Variants in PTPN14 observed in about 807,000 individuals in gnomAD.
PTPN14 encodes tyrosine-protein phosphatase non-receptor type 14.
In PTPN14, 53 loss-of-function variants were observed where a neutral mutation model predicts 126.8. That is an observed-to-expected ratio of 0.42 (90% CI 0.34 to 0.53). PTPN14 has a LOEUF of 0.53. Among genes scored for constraint, PTPN14 ranks in the 20% least tolerant of loss-of-function variants. PTPN14 has a pLI of 0.08. For synonymous variants in PTPN14, 630 were observed against 599.3 expected (o/e 1.05, Z -0.75); for missense variants, 1,257 against 1,552.9 (o/e 0.81, Z 3.20).
Position 214,448,436 on chromosome 1 carries a change from G to A in PTPN14, c.344+3369C>T, listed in dbSNP as rs547694222. ...TTTTTGTATTTTTTTAGTAGAGATC[G>A]GGTTTCACCATGTTAGCCAGGATGG... On this transcript the variant is annotated intron_variant, in intron 3 of 18. Coordinates refer to ENST00000366956, the MANE Select transcript of PTPN14 (RefSeq NM_005401.5). Among the ~76,000 whole-genome samples the A allele has an allele frequency of 2.7e-5, 4 of 149,108 alleles. No individual in the cohort carries two copies. In the South Asian group the frequency reaches 6.4e-4, roughly 24 times the overall value.
At chr1:214,458,875 C>T (rs6661786) in intron 2 of PTPN14, among the ~76,000 whole-genome samples, 126,028 of 152,052 alleles carry the variant, frequency 0.83, 52,340 homozygotes, top group African/African-American at 0.89. Context: ...CACATCCATG[C>T]TCCACCAAAG....
chr1:214,414,637 G>C lies in PTPN14; in HGVS notation c.434C>G (p.Ala145Gly), dbSNP rs2102584780. ...TCATAACTATGTCTTACCTTGCACA[G>C]CTAGGCCGGCTAGCCGAATCACCTG... ...LDQVIRLAGL[A>G]VQADFGDYNQ... The change falls in exon 4 of 19, where the codon GCT (alanine) becomes GGT (glycine). Residue 145 changes from alanine (A) to glycine (G), a missense_variant. Physicochemically the swap from Ala to Gly is moderately conservative, Grantham distance 60 (BLOSUM62 0). Around this residue, in one of 3 missense-constraint regions of PTPN14, gnomAD observed 1,021 missense variants for 1,183.3 expected, o/e 0.86. Coordinates refer to ENST00000366956, the MANE Select transcript of PTPN14 (RefSeq NM_005401.5). The C allele has an allele frequency of 6.2e-7, 1 of 1,613,496 alleles. No homozygotes were observed. The highest frequency in any genetic ancestry group is 2.2e-5 in the East Asian group (1 of 44,882).
intron 1 of PTPN14, among the ~76,000 whole-genome samples, chr1:214,543,470 A>G (rs1018063537): frequency 4.6e-5 from 7 of 152,192 alleles, no homozygotes; most frequent in African/African-American, 1.7e-4. Context: ...ATACATACTG[A>G]TATCTGTTTA....
chr1:214,468,821 T>C (rs1158809062), intron 1 of PTPN14, among the ~76,000 whole-genome samples: 1 of 152,200 alleles, frequency 6.6e-6, no homozygotes, highest in Non-Finnish European at 1.5e-5. Context: ...GCTGCCTCTT[T>C]CTATGGACTT....
chr1:214,401,221 G>A (rs1048307140), intron 7 of PTPN14, among the ~76,000 whole-genome samples: 2 of 152,134 alleles, frequency 1.3e-5, no homozygotes, highest in African/African-American at 4.8e-5. Context: ...AACCCACAGG[G>A]GAGGGCCCTA....
intron 2 of PTPN14, among the ~76,000 whole-genome samples, chr1:214,463,031 T>G (rs1660546019): frequency 1.3e-5 from 2 of 152,142 alleles, no homozygotes; most frequent in Admixed American, 1.3e-4. Context: ...AAAGACTCAG[T>G]AACTTTTCCA....
intron 11 of PTPN14, among the ~76,000 whole-genome samples, chr1:214,390,096 T>C (rs771852287): frequency 2.6e-5 from 4 of 152,202 alleles, no homozygotes; most frequent in Non-Finnish European, 4.4e-5. Context: ...GTGTATACAC[T>C]GAATATGAAG....
In PTPN14 at chr1:214,394,927, T is replaced by C. The variant is rs202003994; in HGVS notation, c.818A>G (p.Asn273Ser). The change falls in exon 9 of 19, where the codon AAC becomes AGC. Residue 273 changes from asparagine to serine, a missense_variant. Physicochemically the swap from Asn to Ser is conservative, Grantham distance 46. Around this residue, in one of 3 missense-constraint regions of PTPN14, gnomAD observed 1,021 missense variants for 1,183.3 expected, o/e 0.86. Transcript: ENST00000366956. ...GTGAAAGAGGGCAGTCTCTTCTTTG[T>C]TGATGAGCTCCACTAGAATGGTCGA... ...NKSTILVELI[N>S]KEETALFHTD... The C allele has an allele frequency of 2.5e-5, 40 of 1,613,738 alleles. No homozygotes were observed. Among genetic ancestry groups the C allele is most frequent in the Admixed American group, 3.3e-5 (2 of 60,024 alleles).
At chr1:214,491,248 T>C (rs1661245277) in intron 1 of PTPN14, among the ~76,000 whole-genome samples, 1 of 152,158 alleles carries the variant, frequency 6.6e-6, no homozygotes, top group Non-Finnish European at 1.5e-5. Context: ...TCATTTTATA[T>C]GCTCTCACAA....
intron 1 of PTPN14, among the ~76,000 whole-genome samples, chr1:214,518,688 G>A (rs1275709466): frequency 2.6e-5 from 4 of 152,126 alleles, no homozygotes. Context: ...ACAGAACAAG[G>A]AAGGGGTACA....
At chr1:214,496,947 AC>A (rs373101090) in intron 1 of PTPN14, among the ~76,000 whole-genome samples, 35 of 152,272 alleles carry the variant, frequency 2.3e-4, no homozygotes, top group Admixed American at 1.1e-3. Context: ...TAGAAAAAAA[AC>A]ATAAGAAAAT....
At chr1:214,476,037 A>G (rs61819638) in intron 1 of PTPN14, among the ~76,000 whole-genome samples, 11,287 of 152,246 alleles carry the variant, frequency 0.074, 518 homozygotes, top group South Asian at 0.12. Flanking sequence ...GCTCACCCAC[A>G]GCGGACATTA....
chr1:214,435,493 C>T (rs1659891417), intron 3 of PTPN14, among the ~76,000 whole-genome samples: 1 of 150,604 alleles, frequency 6.6e-6, no homozygotes, highest in Admixed American at 6.6e-5. Context: ...TTCATGAAAC[C>T]CTTTAAAAAA....
At chr1:214,522,604 G>A (rs1029593277) in intron 1 of PTPN14, among the ~76,000 whole-genome samples, 12 of 152,270 alleles carry the variant, frequency 7.9e-5, no homozygotes, top group East Asian at 3.9e-4. Flanking sequence ...TTAAACCAGC[G>A]TAAAAAACAG....
intron 18 of PTPN14, among the ~76,000 whole-genome samples, chr1:214,359,686 A>G (rs1022818292): frequency 6.6e-6 from 1 of 151,780 alleles, no homozygotes; most frequent in Non-Finnish European, 1.5e-5. Context: ...CACCCGGCTA[A>G]CTTTTAAAAT....
At chr1:214,517,552 A>C (rs1410661877) in intron 1 of PTPN14, among the ~76,000 whole-genome samples, 1 of 152,114 alleles carries the variant, frequency 6.6e-6, no homozygotes, top group Non-Finnish European at 1.5e-5. Context: ...GCCAGAGGCC[A>C]TAAATGAAAA....
intron 15 of PTPN14, among the ~76,000 whole-genome samples, chr1:214,373,520 C>G (rs1658267716): frequency 6.6e-6 from 1 of 150,758 alleles, no homozygotes; most frequent in Admixed American, 6.6e-5. Context: ...TACTCTAACA[C>G]TTTCCATTCT....
rs963072533 is a variant in PTPN14 at position 214,350,577 on chromosome 1, G to T, written c.*7345C>A. On this transcript the variant is annotated 3_prime_UTR_variant, in exon 19 of 19. Transcript: ENST00000366956. The stretch of plus-strand genomic sequence containing the variant: ...TTTTTTTGAGACAAAGTCTCACTCT[G>T]TTGCCCAGGCTGGAGTGCAGTGGCA... 9.1e-6 allele frequency: 1 copy of T among 109,780 alleles called. No homozygotes were observed. The highest frequency in any genetic ancestry group is 1.4e-4 in the Admixed American group (1 of 7,242). 6.8% of individuals were successfully genotyped at this position (109,780 alleles called of 1,614,324 possible). A position where few individuals can be genotyped will look rare whatever the true frequency, so the allele number is the denominator to read the frequency against.
At chr1:214,435,239 G>A (rs1212384737) in intron 3 of PTPN14, among the ~76,000 whole-genome samples, 1 of 151,870 alleles carries the variant, frequency 6.6e-6, no homozygotes, top group Non-Finnish European at 1.5e-5. Context: ...TAGTGTGTCT[G>A]CTGTGTGTGT....
Sources: allele counts gnomAD v4.1 joint callset (sites outside exome capture counted in the v4.1 genomes callset), GRCh38; gene constraint gnomAD v4.1.1; regional missense constraint gnomAD v4.1.1; transcripts MANE v1.5; gene names NCBI Gene and HGNC (gene_info 2026-07-23, HGNC 2026-07-21).